BTD: variants seen among roughly 807,000 people sequenced by gnomAD.
BTD encodes biocytinase.
A neutral mutation model predicts 17.7 loss-of-function variants in BTD; 13 were observed. The observed-to-expected ratio is 0.74, with a 90% CI of 0.48 to 1.17. BTD has a LOEUF of 1.17. Ranked by LOEUF, BTD falls within the 50% of genes most tolerant of loss-of-function variation. BTD has a pLI of 0.00. For synonymous variants in BTD, 240 were observed against 245.2 expected (o/e 0.98, Z 0.20); for missense variants, 674 against 650.4 (o/e 1.04, Z -0.39).
intron 1 of BTD, among the ~76,000 whole-genome samples, chr3:15,633,855 G>A (rs930323207): frequency 6.6e-6 from 1 of 152,184 alleles, no homozygotes; most frequent in African/African-American, 2.4e-5. Context: ...TTCCTTGCTT[G>A]TCTTTAGAGG....
At chr3:15,662,853 G>GT (rs34083448) in intron 3 of BTD, among the ~76,000 whole-genome samples, 69,718 of 126,358 alleles carry the variant, frequency 0.55, 20,049 homozygotes, top group Non-Finnish European at 0.64. Context: ...CAGGCTGGAG[G>GT]TTTTTTTTTT....
intron 3 of BTD, chr3:15,679,193 C>A: frequency 2.9e-6 from 3 of 1,023,314 alleles, no homozygotes; most frequent in African/African-American, 1.6e-5. Context: ...TGGTCTTAAA[C>A]TCCTGGCTTC....
chr3:15,625,544 TTTG>T (rs1169057247), intron 1 of BTD, among the ~76,000 whole-genome samples: 1 of 151,648 alleles, frequency 6.6e-6, no homozygotes, highest in African/African-American at 2.4e-5. Context: ...TGTTTGTTTG[TTTG>T]TTTTGTTTTG....
chr3:15,644,269 G>C (rs1161401464), intron 3 of BTD, 47 bp from the exon 4 acceptor site: 3 of 1,575,706 alleles, frequency 1.9e-6, no homozygotes, highest in Non-Finnish European at 1.7e-6. Context: ...CACAGTGCTG[G>C]GATTACAGGC....
chr3:15,665,592 T>C (rs909689229), intron 3 of BTD, among the ~76,000 whole-genome samples: 7 of 152,164 alleles, frequency 4.6e-5, no homozygotes, highest in Non-Finnish European at 1.0e-4. Flanking sequence ...CATGGAAAAG[T>C]TGAAACAGCA....
intron 4 of BTD, among the ~76,000 whole-genome samples, chr3:15,719,393 C>T (rs973275975): frequency 6.6e-6 from 1 of 151,986 alleles, no homozygotes; most frequent in Non-Finnish European, 1.5e-5. Context: ...CTTCATACCA[C>T]CAGATACAGT....
intron 1 of BTD, among the ~76,000 whole-genome samples, chr3:15,618,419 A>T (rs1411299620): frequency 1.3e-5 from 2 of 152,216 alleles, no homozygotes; most frequent in African/African-American, 4.8e-5. Context: ...GATTTCTTTC[A>T]ACAGAGTTTT....
At chr3:15,658,904 A>C (rs1226376678) in intron 3 of BTD, among the ~76,000 whole-genome samples, 1 of 152,184 alleles carries the variant, frequency 6.6e-6, no homozygotes, top group Non-Finnish European at 1.5e-5. Flanking sequence ...AGGTTATGTA[A>C]CTTGCCAAAA....
At chr3:15,706,250 C>T (rs2071374832) in intron 3 of BTD, among the ~76,000 whole-genome samples, 1 of 152,046 alleles carries the variant, frequency 6.6e-6, no homozygotes, top group East Asian at 1.9e-4. Flanking sequence ...TCCTCCCCAC[C>T]CCATGACAGG....
intron 3 of BTD, chr3:15,686,149 T>C (rs948276102): frequency 6.2e-7 from 1 of 1,603,466 alleles, no homozygotes; most frequent in South Asian, 1.1e-5. Context: ...GGTTCAGTGC[T>C]GTCACTTAAG....
At chr3:15,690,134 G>A in intron 3 of BTD, 1 of 1,610,204 alleles carries the variant, frequency 6.2e-7, no homozygotes, top group Non-Finnish European at 8.5e-7. Context: ...CAAGATCTAG[G>A]GGTGTTCTTC....
At chr3:15,601,536 A>C (rs2019160), upstream of BTD, 1 of 1,606,898 alleles carries the variant, frequency 6.2e-7, no homozygotes, top group East Asian at 2.2e-5. Context: ...CAAACGCGAA[A>C]TCGGCAGCAC....
chr3:15,679,552 A>G, intron 3 of BTD: 2 of 1,611,390 alleles, frequency 1.2e-6, no homozygotes, highest in Non-Finnish European at 8.5e-7. Flanking sequence ...AGTTCTACAC[A>G]TGTCTCGTGA....
intron 1 of BTD, among the ~76,000 whole-genome samples, chr3:15,631,683 C>A (rs933229106): frequency 6.6e-6 from 1 of 152,172 alleles, no homozygotes; most frequent in African/African-American, 2.4e-5. Flanking sequence ...TAGGGCCGTC[C>A]AAGATCAGGA....
intron 3 of BTD, chr3:15,695,344 T>C (rs1575194284): frequency 1.5e-6 from 1 of 658,902 alleles, no homozygotes; most frequent in East Asian, 2.8e-5. Flanking sequence ...AAATTAGGTG[T>C]TTTGAATAAA....
chr3:15,663,686 T>A (rs755187408), intron 3 of BTD, among the ~76,000 whole-genome samples: 1 of 152,200 alleles, frequency 6.6e-6, no homozygotes, highest in Non-Finnish European at 1.5e-5. Flanking sequence ...ATTTCTGATA[T>A]TAGTTGTGTC....
intron 3 of BTD, among the ~76,000 whole-genome samples, chr3:15,672,325 A>G (rs879113214): frequency 3.6e-4 from 54 of 152,076 alleles, no homozygotes; most frequent in Middle Eastern, 3.4e-3. Flanking sequence ...ACTTTTTTGT[A>G]GATACAGGGT....
At chr3:15,636,514 A>G (rs546143576) in intron 2 of BTD, among the ~76,000 whole-genome samples, 19 of 152,262 alleles carry the variant, frequency 1.2e-4, no homozygotes, top group African/African-American at 4.3e-4. Context: ...CCCGAAGGGA[A>G]GTTTGGGCTG....
chr3:15,612,650 T>A (rs1342817354), intron 1 of BTD, among the ~76,000 whole-genome samples: 1 of 152,158 alleles, frequency 6.6e-6, no homozygotes, highest in Non-Finnish European at 1.5e-5. Flanking sequence ...TGAAATATGC[T>A]TTTATTTCTG....
Sources: allele counts gnomAD v4.1 joint callset (sites outside exome capture counted in the v4.1 genomes callset), GRCh38; gene constraint gnomAD v4.1.1; transcripts MANE v1.5; gene names NCBI Gene and HGNC (gene_info 2026-07-23, HGNC 2026-07-21).